Variants in CCDC102B observed in about 807,000 individuals in gnomAD.
CCDC102B encodes the protein coiled-coil domain-containing protein 102B.
Under a neutral mutation model 57.4 loss-of-function variants are expected in CCDC102B, and 75 were observed. The ratio of observed to expected loss-of-function variants is 1.31; its 90% CI spans 1.08 to 1.58. CCDC102B has a LOEUF of 1.58. Among genes scored for constraint, CCDC102B ranks in the 40% most tolerant of loss-of-function variants. The probability of loss-of-function intolerance (pLI) is 0.00; values close to 1 mark genes in which losing one functional copy is unlikely to be tolerated. For synonymous variants in CCDC102B, 206 were observed against 201.9 expected, an observed-to-expected ratio of 1.02 and a Z score of -0.17; for missense variants, 636 against 582.6, an observed-to-expected ratio of 1.09 and a Z score of -0.94.
intron 6 of CCDC102B, among the ~76,000 whole-genome samples, chr18:68,985,878 A>T (rs1238160397): frequency 6.6e-6 from 1 of 152,158 alleles, no homozygotes; most frequent in African/African-American, 2.4e-5. Flanking sequence ...TAGATCTGAG[A>T]GCAAATAAGC....
At chr18:68,749,877 C>G in intron 2 of CCDC102B, among the ~76,000 whole-genome samples, 1 of 152,138 alleles carries the variant, frequency 6.6e-6, no homozygotes, top group South Asian at 2.1e-4. Flanking sequence ...TGGGCAAGGA[C>G]TTCATGTCTA....
intron 6 of CCDC102B, among the ~76,000 whole-genome samples, chr18:68,928,693 A>G (rs950212404): frequency 2.6e-5 from 4 of 151,940 alleles, no homozygotes; most frequent in Non-Finnish European, 4.4e-5. Context: ...AGATATTTGA[A>G]TGTGATCTTT....
intron 6 of CCDC102B, among the ~76,000 whole-genome samples, chr18:68,997,809 TTTA>T (rs1344292549): frequency 1.3e-5 from 2 of 148,874 alleles, no homozygotes; most frequent in Admixed American, 6.9e-5. Context: ...ATTAATTCAC[TTTA>T]TTAATTTAAT....
intron 2 of CCDC102B, among the ~76,000 whole-genome samples, chr18:68,761,076 T>C (rs564209648): frequency 6.6e-6 from 1 of 152,106 alleles, no homozygotes; most frequent in African/African-American, 2.4e-5. Flanking sequence ...TACACCCTTC[T>C]ATGGCTTTCC....
intron 7 of CCDC102B, among the ~76,000 whole-genome samples, chr18:69,026,494 G>A (rs1297431930): frequency 6.7e-6 from 1 of 150,122 alleles, no homozygotes; most frequent in Non-Finnish European, 1.5e-5. Flanking sequence ...GAAATCCAGT[G>A]TCAAAGCTGG....
chr18:68,907,105 TC>T (rs1467285127), intron 6 of CCDC102B, among the ~76,000 whole-genome samples: 3 of 152,216 alleles, frequency 2.0e-5, no homozygotes, highest in Non-Finnish European at 2.9e-5. Flanking sequence ...TCATCAAAAA[TC>T]AATTATCCAT....
chr18:68,808,745 C>G (rs1048405651), intron 1 of CCDC102B, among the ~76,000 whole-genome samples: 4 of 151,870 alleles, frequency 2.6e-5, no homozygotes, highest in Admixed American at 1.3e-4. Flanking sequence ...CCCAAAGTGC[C>G]GGGATTACAG....
At chr18:68,982,192 A>C (rs2050604789) in intron 6 of CCDC102B, among the ~76,000 whole-genome samples, 1 of 151,922 alleles carries the variant, frequency 6.6e-6, no homozygotes, top group Non-Finnish European at 1.5e-5. Context: ...TAACTGCTGT[A>C]GTTCAAAACT....
At chr18:68,995,927 C>A (rs1210718685) in intron 6 of CCDC102B, among the ~76,000 whole-genome samples, 1 of 152,184 alleles carries the variant, frequency 6.6e-6, no homozygotes, top group Non-Finnish European at 1.5e-5. Flanking sequence ...TGCAAAGCCA[C>A]AGGGGTTGGA....
intron 6 of CCDC102B, among the ~76,000 whole-genome samples, chr18:69,002,094 T>A (rs578244003): frequency 1.7e-4 from 26 of 152,180 alleles, no homozygotes; most frequent in Non-Finnish European, 2.6e-4. Context: ...GGAGAACTAG[T>A]AAATTTTTTT....
At chr18:69,044,226 C>A (rs2052503136) in intron 7 of CCDC102B, among the ~76,000 whole-genome samples, 2 of 152,130 alleles carry the variant, frequency 1.3e-5, no homozygotes, top group African/African-American at 4.8e-5. Context: ...GTTGTGGAAT[C>A]TGTCTGGTTC....
chr18:68,838,745 G>T lies in CCDC102B; in HGVS notation c.646G>T (p.Glu216Ter). ...TATTGATTCTCTAAAATTAAGTGAG[G>T]AGATGAAGCCCAATCTAGATGGTGT... ...VVIDSLKLSEEMKPNLDGVDL... is the reference protein window; with the variant it reads ...VVIDSLKLSE The change falls in exon 3 of 8, where the codon GAG (glutamate) becomes TAG (stop). Residue 216 changes from glutamate to a stop codon, truncating the protein, a stop_gained. Transcript: ENST00000360242. LOFTEE classifies it high-confidence loss of function. The T allele has an allele frequency of 6.2e-7, 1 of 1,613,946 alleles. No individual in the cohort carries two copies. The highest frequency in any genetic ancestry group is 8.5e-7 in the Non-Finnish European group (1 of 1,179,902).
chr18:68,992,872 A>C (rs1424263455), intron 6 of CCDC102B: 1 of 167,106 alleles, frequency 6.0e-6, no homozygotes, highest in Non-Finnish European at 1.4e-5. Context: ...TACGGCACAG[A>C]AGAAACAGCT....
chr18:68,973,014 A>G (rs182096991), intron 6 of CCDC102B, among the ~76,000 whole-genome samples: 100 of 152,258 alleles, frequency 6.6e-4, no homozygotes, highest in South Asian at 3.9e-3. Context: ...CAGATTTTTA[A>G]TGTTATTTTG....
intron 7 of CCDC102B, among the ~76,000 whole-genome samples, chr18:69,012,605 C>T (rs919970576): frequency 1.3e-5 from 2 of 152,052 alleles, no homozygotes; most frequent in Non-Finnish European, 2.9e-5. Flanking sequence ...GCTTTGAGAG[C>T]GGACACAGGG....
intron 6 of CCDC102B, among the ~76,000 whole-genome samples, chr18:68,900,769 A>G (rs1053365632): frequency 6.6e-6 from 1 of 152,202 alleles, no homozygotes; most frequent in Non-Finnish European, 1.5e-5. Flanking sequence ...ACATTAAAAG[A>G]ACACATATCA....
At chr18:68,821,977 T>G (rs1427535705) in intron 1 of CCDC102B, among the ~76,000 whole-genome samples, 1 of 152,226 alleles carries the variant, frequency 6.6e-6, no homozygotes, top group Non-Finnish European at 1.5e-5. Context: ...ATAAAGGATT[T>G]ACTAAATGTG....
At chr18:68,847,470 A>T (rs1203512894) in intron 4 of CCDC102B, among the ~76,000 whole-genome samples, 2 of 151,860 alleles carry the variant, frequency 1.3e-5, no homozygotes, top group Non-Finnish European at 2.9e-5. Flanking sequence ...TGCAGCACAG[A>T]CTTGTTAATC....
Position 68,950,362 on chromosome 18 carries a change from T to C in CCDC102B, c.1263+52934T>C, listed in dbSNP as rs528244737. ...ATATTTGGGCATTTGTATACTTTGA[T>C]AGAATTTGAGAAACTGTAAAACTTC... On this transcript the variant is annotated intron_variant, in intron 6 of 7. Coordinates refer to ENST00000360242, the MANE Select transcript of CCDC102B (RefSeq NM_024781.3). Among the ~76,000 whole-genome samples the C allele has an allele frequency of 1.1e-4, 16 of 152,246 alleles. No individual in the cohort carries two copies. In the South Asian group the frequency reaches 1.9e-3, roughly 18 times the overall value.
Sources: gnomAD v4.1 joint callset for allele counts (sites outside exome capture counted in the v4.1 genomes callset) on GRCh38, gnomAD v4.1.1 for gene constraint, MANE v1.5 for transcripts, NCBI Gene and HGNC (gene_info 2026-07-23, HGNC 2026-07-21) for gene names.